PRKN: variants seen among roughly 807,000 people sequenced by gnomAD.
The protein encoded by PRKN is parkin RBR E3 ubiquitin protein ligase.
A neutral mutation model predicts 59.5 loss-of-function variants in PRKN; 56 were observed. The observed-to-expected ratio is 0.94, with a 90% confidence interval of 0.76 to 1.18. The LOEUF is 1.18. PRKN is among the 50% of genes most tolerant of loss of function. The pLI is 0.00. For synonymous variants in PRKN, 250 were observed against 222.1 expected (o/e 1.13, Z -1.12); for missense variants, 657 against 596.4 (o/e 1.10, Z -1.06).
chr6:162,323,624 C>T (rs918903348), intron 2 of PRKN, among the ~76,000 whole-genome samples: 19 of 151,906 alleles, frequency 1.3e-4, no homozygotes. Context: ...AAAGAAAATA[C>T]TTGAGTGGCA....
chr6:162,157,110 T>C (rs1246212801), intron 4 of PRKN, among the ~76,000 whole-genome samples: 1 of 152,124 alleles, frequency 6.6e-6, no homozygotes, highest in Non-Finnish European at 1.5e-5. Flanking sequence ...AAAAAAAAAC[T>C]ACTGGCAAGC....
chr6:162,645,507 T>C (rs1778134341), intron 1 of PRKN, among the ~76,000 whole-genome samples: 1 of 152,104 alleles, frequency 6.6e-6, no homozygotes, highest in Admixed American at 6.6e-5. Flanking sequence ...TTTCATAGCA[T>C]GGAAAAAACA....
rs1366984398 is a variant in PRKN, at chr6:161,361,256, G to T, written c.1168-1051C>A. Among the ~76,000 whole-genome samples the T allele has an allele frequency of 8.5e-5, 13 of 152,172 alleles. No individual in the cohort carries two copies. Among genetic ancestry groups the T allele is most frequent in the Admixed American group, 8.5e-4 (13 of 15,278 alleles). On this transcript the variant is annotated intron_variant, in intron 10 of 11. Transcript: ENST00000366898. The surrounding 1 kb of genome is among the most constrained non-coding windows in gnomAD (Gnocchi z 5.2). ...TTAAAGTTTTTGAGTCTTTATAGAT[G>T]AAGTATTATGAGGAAAATAACTGTA... is the stretch of plus-strand genomic sequence containing the variant.
chr6:161,804,162 A>G (rs1218931882), intron 6 of PRKN, among the ~76,000 whole-genome samples: 4 of 152,208 alleles, frequency 2.6e-5, no homozygotes, highest in Non-Finnish European at 4.4e-5. Context: ...ACAATCACGA[A>G]TAATGAAGAG....
intron 4 of PRKN, among the ~76,000 whole-genome samples, chr6:162,153,198 C>A (rs1361230571): frequency 1.3e-5 from 2 of 152,214 alleles, no homozygotes; most frequent in African/African-American, 4.8e-5. Flanking sequence ...CAGGAGGGAG[C>A]GTGCAAGTGA....
chr6:162,711,793 CT>C (rs1778548681), intron 1 of PRKN, among the ~76,000 whole-genome samples: 1 of 152,180 alleles, frequency 6.6e-6, no homozygotes, highest in Non-Finnish European at 1.5e-5. Flanking sequence ...ATGAGGGTTG[CT>C]TTCTGAAACA....
chr6:161,866,082 C>T (rs908639457), intron 6 of PRKN, among the ~76,000 whole-genome samples: 3 of 151,992 alleles, frequency 2.0e-5, no homozygotes, highest in African/African-American at 7.3e-5. Flanking sequence ...ATTAGGGAGG[C>T]CCAAGGGTGG....
At chr6:161,647,586 C>G (rs1479754800) in intron 7 of PRKN, among the ~76,000 whole-genome samples, 1 of 107,370 alleles carries the variant, frequency 9.3e-6, no homozygotes, top group Admixed American at 8.0e-5. Flanking sequence ...GAGTATATTC[C>G]TTGTCAACAT....
intron 7 of PRKN, among the ~76,000 whole-genome samples, chr6:161,700,904 A>T (rs1159252072): frequency 1.3e-5 from 2 of 152,228 alleles, no homozygotes; most frequent in African/African-American, 4.8e-5. Context: ...GTTATATTTC[A>T]AATTATGTAG....
At chr6:162,330,910 G>T (rs1348000355) in intron 2 of PRKN, among the ~76,000 whole-genome samples, 1 of 152,190 alleles carries the variant, frequency 6.6e-6, no homozygotes, top group African/African-American at 2.4e-5. Context: ...GAGTGGGTGG[G>T]AGGCAGGTGA....
At chr6:161,645,205 A>G (rs527538118) in intron 7 of PRKN, among the ~76,000 whole-genome samples, 1 of 152,080 alleles carries the variant, frequency 6.6e-6, no homozygotes, top group South Asian at 2.1e-4. Flanking sequence ...TCAAAATCTT[A>G]CGGAATAATC....
intron 4 of PRKN, among the ~76,000 whole-genome samples, chr6:162,109,324 T>G (rs1175660648): frequency 1.3e-5 from 2 of 152,148 alleles, no homozygotes; most frequent in Non-Finnish European, 1.5e-5. Flanking sequence ...CAGAGAGAGA[T>G]AAAAGCTGTA....
intron 1 of PRKN, among the ~76,000 whole-genome samples, chr6:162,674,512 A>C (rs1338017936): frequency 1.3e-5 from 2 of 152,192 alleles, no homozygotes; most frequent in African/African-American, 2.4e-5. Context: ...ATAACTAAGG[A>C]AACTGAGGCA....
At position 161,488,633 on chromosome 6, in the gene PRKN, G is replaced by A. The variant is rs926578463; in HGVS notation, c.1083+60221C>T. On this transcript the variant is annotated intron_variant, in intron 9 of 11. Transcript: ENST00000366898. The surrounding 1 kb of genome is among the most constrained non-coding windows in gnomAD (Gnocchi z 4.5). Reference sequence around the variant, plus strand: ...CCTGAGTAGGTGGGACTAAAGGCATGCACCACCACACCTGGCTAATTTTTA... The same window carrying A: ...CCTGAGTAGGTGGGACTAAAGGCATACACCACCACACCTGGCTAATTTTTA... Among the ~76,000 whole-genome samples the A allele has an allele frequency of 6.6e-6, 1 of 152,110 alleles. No homozygotes were observed. Among genetic ancestry groups the A allele is most frequent in the Non-Finnish European group, 1.5e-5 (1 of 68,024 alleles).
At chr6:161,860,811 C>T (rs1412166710) in intron 6 of PRKN, among the ~76,000 whole-genome samples, 2 of 152,096 alleles carry the variant, frequency 1.3e-5, no homozygotes, top group East Asian at 3.8e-4. Context: ...TTTATGTGAC[C>T]AACAAACGTA....
At position 161,356,909 on chromosome 6, in the gene PRKN, C is replaced by A. The variant is rs1784780919; in HGVS notation, c.1285+3179G>T. 6.6e-6 allele frequency among the ~76,000 whole-genome samples: 1 copy of A among 151,932 alleles called. No individual in the cohort carries two copies. The highest frequency in any genetic ancestry group is 2.1e-4 in the South Asian group (1 of 4,816). On this transcript the variant is annotated intron_variant, in intron 11 of 11. Coordinates refer to ENST00000366898, the MANE Select transcript of PRKN (RefSeq NM_004562.3). The surrounding 1 kb of genome is among the most constrained non-coding windows in gnomAD (Gnocchi z 7.8). ...ATCAGTATGTGGATAGTATTTAAGGCCACAAGACTGGGCTGTATGTTATGT... is the reference window on the plus strand; with the variant it reads ...ATCAGTATGTGGATAGTATTTAAGGACACAAGACTGGGCTGTATGTTATGT...
At chr6:162,252,702 G>T (rs886934140) in intron 3 of PRKN, among the ~76,000 whole-genome samples, 4 of 152,196 alleles carry the variant, frequency 2.6e-5, no homozygotes, top group African/African-American at 9.7e-5. Context: ...CAGCTTTAAA[G>T]GTGCCTTGTT....
At chr6:162,228,785 C>T (rs1157494064) in intron 3 of PRKN, among the ~76,000 whole-genome samples, 10 of 152,072 alleles carry the variant, frequency 6.6e-5, no homozygotes, top group African/African-American at 2.4e-4. Context: ...ACATTATTTC[C>T]AGGTGTCTTT....
intron 1 of PRKN, among the ~76,000 whole-genome samples, chr6:162,493,768 TAGATTATC>T (rs1792928128): frequency 5.9e-5 from 9 of 152,292 alleles, no homozygotes; most frequent in Middle Eastern, 3.4e-3. Context: ...ACACAGAGCC[TAGATTATC>T]CACTGATAAC....
Sources: allele counts gnomAD v4.1 joint callset (sites outside exome capture counted in the v4.1 genomes callset), GRCh38; gene constraint gnomAD v4.1.1; non-coding constraint Gnocchi (gnomAD v3.1); transcripts MANE v1.5; gene names NCBI Gene and HGNC (gene_info 2026-07-23, HGNC 2026-07-21).